The following GNAZ variants were observed in gnomAD, a reference collection of about 807,000 sequenced individuals.
GNAZ encodes the protein G protein subunit alpha z.
Under a neutral mutation model 25.4 loss-of-function variants are expected in GNAZ, and 3 were observed. The observed-to-expected ratio is 0.12, with a 90% confidence interval of 0.05 to 0.30. GNAZ has a LOEUF of 0.30. Ranked by LOEUF, GNAZ falls within the 10% of genes least tolerant of loss-of-function variation. GNAZ has a pLI of 1.00. For synonymous variants in GNAZ, 211 were observed against 205.7 expected, an observed-to-expected ratio of 1.03 and a Z score of -0.22; for missense variants, 241 against 501.8, an observed-to-expected ratio of 0.48 and a Z score of 4.97.
intron 2 of GNAZ, among the ~76,000 whole-genome samples, chr22:23,117,734 G>A (rs2069892418): frequency 6.6e-6 from 1 of 152,228 alleles, no homozygotes; most frequent in Non-Finnish European, 1.5e-5. Context: ...TGAGGAAACT[G>A]AGGCCCAGAG....
intron 2 of GNAZ, among the ~76,000 whole-genome samples, chr22:23,115,056 GCC>G (rs2069784065): frequency 1.3e-5 from 2 of 152,176 alleles, no homozygotes; most frequent in African/African-American, 4.8e-5. Context: ...GAGGTTTGAG[GCC>G]CCTAGTTGGG....
At chr22:23,084,022 T>C (rs998712669) in intron 1 of GNAZ, among the ~76,000 whole-genome samples, 1 of 152,090 alleles carries the variant, frequency 6.6e-6, no homozygotes, top group Admixed American at 6.6e-5. Context: ...ACCTTGCTTC[T>C]TGTGGAGTTA....
chr22:23,107,016 C>T (rs1319066621), intron 2 of GNAZ, among the ~76,000 whole-genome samples: 1 of 152,272 alleles, frequency 6.6e-6, no homozygotes, highest in African/African-American at 2.4e-5. Context: ...AGGCAGGGAG[C>T]AGCACGCTCA....
chr22:23,102,075 A>G (rs961485658), intron 2 of GNAZ, among the ~76,000 whole-genome samples: 7 of 152,134 alleles, frequency 4.6e-5, no homozygotes, highest in African/African-American at 1.7e-4. Context: ...GGCCCCACCA[A>G]CACTTGTGAA....
chr22:23,078,107 G>T (rs552492509), intron 1 of GNAZ, among the ~76,000 whole-genome samples: 20 of 152,310 alleles, frequency 1.3e-4, no homozygotes, highest in African/African-American at 4.3e-4. Flanking sequence ...TGGTGAGGGC[G>T]GGTGCGGGTG....
At chr22:23,092,828 G>A (rs757769570) in intron 1 of GNAZ, among the ~76,000 whole-genome samples, 7 of 152,198 alleles carry the variant, frequency 4.6e-5, no homozygotes, top group Non-Finnish European at 8.8e-5. Flanking sequence ...CAGAAGGGGC[G>A]CCTGGCTGTA....
chr22:23,116,788 G>A (rs1296205702), intron 2 of GNAZ, among the ~76,000 whole-genome samples: 1 of 152,208 alleles, frequency 6.6e-6, no homozygotes. Flanking sequence ...TGGGGAAGGA[G>A]TGGGGTGTGG....
At chr22:23,070,878 C>G (rs2068349197) in intron 1 of GNAZ, 1 of 152,240 alleles carries the variant, frequency 6.6e-6, no homozygotes, top group African/African-American at 2.4e-5. Context: ...CCGGGGATGC[C>G]GCGCGGGGCC....
intron 1 of GNAZ, among the ~76,000 whole-genome samples, chr22:23,078,872 C>A (rs9306383): frequency 0.52 from 78,981 of 152,048 alleles, 22,208 homozygotes; most frequent in East Asian, 0.95. Context: ...AGGGCTTAGT[C>A]GTGGGGCAGC....
intron 1 of GNAZ, among the ~76,000 whole-genome samples, chr22:23,089,573 T>G (rs989729044): frequency 6.6e-6 from 1 of 152,150 alleles, no homozygotes; most frequent in Non-Finnish European, 1.5e-5. Context: ...TCCATGACCA[T>G]GTACCCATCC....
intron 2 of GNAZ, among the ~76,000 whole-genome samples, chr22:23,099,417 C>T (rs1432708405): frequency 6.6e-6 from 1 of 152,266 alleles, no homozygotes; most frequent in East Asian, 1.9e-4. Flanking sequence ...ACCCCAGTGC[C>T]CCCAAGCCCA....
chr22:23,096,072 G>T lies in GNAZ; in HGVS notation c.377G>T (p.Gly126Val). Residue 126 changes from glycine (G) to valine (V), a missense_variant, in exon 2 of 3, where the codon GGT becomes GTT. Gly to Val is a moderately radical substitution (Grantham distance 109). Coordinates refer to ENST00000615612, the MANE Select transcript of GNAZ (RefSeq NM_002073.4). ...SKGEITPELL[G>V]VMRRLWADPG... ...GGCGAGATCACACCCGAGCTGCTGG[G>T]TGTCATGCGACGGCTCTGGGCCGAC... 1.9e-6 allele frequency: 3 copies of T among 1,608,544 alleles called. No homozygotes were observed. Among genetic ancestry groups the T allele is most frequent in the Non-Finnish European group, 2.5e-6 (3 of 1,179,968 alleles).
chr22:23,107,334 CCCCTCCCAAGCTGCCTGTG>C (rs2069513276), intron 2 of GNAZ, among the ~76,000 whole-genome samples: 1 of 152,160 alleles, frequency 6.6e-6, no homozygotes, highest in African/African-American at 2.4e-5. Flanking sequence ...GTAAAATGGG[CCCCTCCCAAGCTGCCTGTG>C]CCCTCCTGAG....
At chr22:23,116,765 C>T (rs927139097) in intron 2 of GNAZ, among the ~76,000 whole-genome samples, 2 of 152,316 alleles carry the variant, frequency 1.3e-5, no homozygotes, top group South Asian at 2.1e-4. Flanking sequence ...GCTGGAAAGC[C>T]GTGAGTGCCT....
In GNAZ at chr22:23,087,001, C is replaced by T. The variant is rs145740350; in HGVS notation, c.-449-8246C>T. Among the ~76,000 whole-genome samples, 17 of 152,270 alleles carry T rather than the reference C, an allele frequency of 1.1e-4. No individual in the cohort carries two copies. In the South Asian group the frequency reaches 1.5e-3, roughly 13 times the overall value. On this transcript the variant is annotated intron_variant, in intron 1 of 2. Transcript: ENST00000615612. ...GGAAGCACATGCGGCTCCGATAAGT[C>T]GGGCGTAAAAGGGCAGTGGAAAGTG... is the stretch of plus-strand genomic sequence containing the variant.
intron 2 of GNAZ, among the ~76,000 whole-genome samples, chr22:23,109,579 T>C (rs898952815): frequency 1.3e-5 from 2 of 151,846 alleles, no homozygotes; most frequent in African/African-American, 4.8e-5. Flanking sequence ...GATGAACCAG[T>C]GTGGAGTTGA....
At chr22:23,086,235 G>A (rs962013245) in intron 1 of GNAZ, among the ~76,000 whole-genome samples, 3 of 152,236 alleles carry the variant, frequency 2.0e-5, no homozygotes, top group Admixed American at 6.5e-5. Flanking sequence ...CTGCAGTCCC[G>A]TGGGGCCCAG....
At chr22:23,072,646 C>T (rs1360023198) in intron 1 of GNAZ, among the ~76,000 whole-genome samples, 1 of 152,254 alleles carries the variant, frequency 6.6e-6, no homozygotes, top group Non-Finnish European at 1.5e-5. Flanking sequence ...AGAACAGGGC[C>T]TGCCCTCGTG....
chr22:23,104,026 G>A (rs911355121), intron 2 of GNAZ, among the ~76,000 whole-genome samples: 2 of 152,142 alleles, frequency 1.3e-5, no homozygotes, highest in East Asian at 1.9e-4. Flanking sequence ...GGGCCTAGAC[G>A]TTGGGAGCAG....
Sources: gnomAD v4.1 joint callset for allele counts (sites outside exome capture counted in the v4.1 genomes callset) on GRCh38, gnomAD v4.1.1 for gene constraint, MANE v1.5 for transcripts, NCBI Gene and HGNC (gene_info 2026-07-23, HGNC 2026-07-21) for gene names.